Variants in ETFDH observed in about 807,000 individuals in gnomAD.
ETFDH encodes the protein electron transfer flavoprotein-ubiquinone oxidoreductase, mitochondrial.
ETFDH carries 61 observed loss-of-function variants against 73.2 expected under a neutral mutation model. That is an observed-to-expected ratio of 0.83 (90% confidence interval 0.68 to 1.03). The LOEUF (loss-of-function observed/expected upper bound fraction) is 1.03. Ranked by LOEUF, ETFDH falls within the 50% of genes least tolerant of loss-of-function variation. The pLI is 0.00. For missense variants in ETFDH, 685 were observed against 745.0 expected (o/e 0.92, Z 0.94); for synonymous variants, 243 against 253.3 (o/e 0.96, Z 0.39).
In ETFDH at chr4:158,708,730, G is replaced by C. The variant is rs1189158613; in HGVS notation, c.*203G>C. ...TTTAAATAACCTTTATAAGAATGCAGCATCTTCCTACCTCTTCAGTTCTTC... is the reference window on the plus strand; with the variant it reads ...TTTAAATAACCTTTATAAGAATGCACCATCTTCCTACCTCTTCAGTTCTTC... On this transcript the variant is annotated 3_prime_UTR_variant, in exon 13 of 13. Transcript: ENST00000511912. The C allele has an allele frequency of 1.1e-5, 6 of 535,474 alleles. No individual in the cohort carries two copies. Among genetic ancestry groups the C allele is most frequent in the South Asian group, 1.1e-4 (5 of 46,196 alleles). 33.2% of individuals were successfully genotyped at this position (535,474 alleles called of 1,614,324 possible).
At chr4:158,678,061 T>C (rs1252123589) in intron 1 of ETFDH, among the ~76,000 whole-genome samples, 1 of 152,258 alleles carries the variant, frequency 6.6e-6, no homozygotes, top group East Asian at 1.9e-4. Flanking sequence ...GTTGCAAAAA[T>C]AGTACTGAGA....
chr4:158,679,826 A>G (rs1242429351), intron 1 of ETFDH: 1 of 152,016 alleles, frequency 6.6e-6, no homozygotes, highest in Non-Finnish European at 1.5e-5. Context: ...GATCCCAGCA[A>G]TTTTAGAGGC....
intron 7 of ETFDH, among the ~76,000 whole-genome samples, chr4:158,696,136 C>A (rs955199746): frequency 4.6e-5 from 7 of 152,138 alleles, no homozygotes; most frequent in African/African-American, 1.4e-4. Flanking sequence ...TTTATCCATT[C>A]TCTAGTCTTA....
At chr4:158,704,238 C>T (rs542520908) in intron 10 of ETFDH, among the ~76,000 whole-genome samples, 7 of 152,336 alleles carry the variant, frequency 4.6e-5, no homozygotes, top group African/African-American at 1.7e-4. Flanking sequence ...ATCAATAGAA[C>T]AAACACCTTT....
chr4:158,688,316 C>T (rs765252789), intron 5 of ETFDH, among the ~76,000 whole-genome samples: 9 of 149,926 alleles, frequency 6.0e-5, no homozygotes, highest in East Asian at 2.0e-4. Context: ...CACTTGAACC[C>T]GGGAGGCAGA....
chr4:158,672,833 T>C (rs950552829), intron 1 of ETFDH, among the ~76,000 whole-genome samples: 1 of 150,814 alleles, frequency 6.6e-6, no homozygotes, highest in African/African-American at 2.5e-5. Context: ...CTGTTGGAAA[T>C]GGAAAAAAAA....
chr4:158,683,738 C>T (rs1216888621), intron 3 of ETFDH, among the ~76,000 whole-genome samples: 1 of 152,090 alleles, frequency 6.6e-6, no homozygotes, highest in Admixed American at 6.6e-5. Context: ...CACCACCACA[C>T]CCAGCTAATT....
chr4:158,708,575 T>C lies in ETFDH; in HGVS notation c.*48T>C. ...CAAGTATGGCAAGCTAACGTTAAAA[T>C]GTTTAGAGATTAACAGATTTCAGAA... is the stretch of plus-strand genomic sequence containing the variant. On this transcript the variant is annotated 3_prime_UTR_variant, in exon 13 of 13. Coordinates refer to ENST00000511912, the MANE Select transcript of ETFDH (RefSeq NM_004453.4). 2 of 1,452,346 alleles carry C rather than the reference T, an allele frequency of 1.4e-6. No individual in the cohort carries two copies. Among genetic ancestry groups the C allele is most frequent in the East Asian group, 2.3e-5 (1 of 44,048 alleles). The allele number at this position is 1,452,346 out of a possible 1,614,324, so 90.0% of individuals were successfully genotyped here. A position where few individuals can be genotyped will look rare whatever the true frequency, so the allele number is the denominator to read the frequency against.
intron 2 of ETFDH, 136 bp downstream of exon 2, chr4:158,680,743 C>T: frequency 1.4e-6 from 1 of 730,134 alleles, no homozygotes. Context: ...TCACATGCTG[C>T]ATAATGACCC....
At chr4:158,693,448 G>A (rs1774231413) in intron 6 of ETFDH, among the ~76,000 whole-genome samples, 1 of 152,138 alleles carries the variant, frequency 6.6e-6, no homozygotes, top group South Asian at 2.1e-4. Context: ...AGGCTGTGTG[G>A]CTCCACGGCC....
rs2126316486 is a variant in ETFDH, at chr4:158,706,746, A to G, written c.1586A>G (p.His529Arg). 6.2e-7 allele frequency: 1 copy of G among 1,613,948 alleles called. No homozygotes were observed. The highest frequency in any genetic ancestry group is 8.5e-7 in the Non-Finnish European group (1 of 1,179,826). The change falls in exon 12 of 13, where the codon CAT becomes CGT. Residue 529 changes from histidine to arginine, a missense_variant. By Grantham distance (29) the His-to-Arg change is conservative. Coordinates refer to ENST00000511912, the MANE Select transcript of ETFDH (RefSeq NM_004453.4). The stretch of plus-strand genomic sequence containing the variant: ...TCTGTGGCTCTGAGTGGTACTAATC[A>G]TGAACATGACCAGCCGGCACACTTA... ...LSSVALSGTNHEHDQPAHLTL... is the reference protein window; with the variant it reads ...LSSVALSGTNREHDQPAHLTL...
rs184717756 is a variant in ETFDH at position 158,683,914 on chromosome 4, T to C, written c.406-678T>C. Reference sequence around the variant, plus strand: ...ACAGTGTAACAACATGTTAATTCTCTTTATCCAAGAGGAAAATAAAACTTC... The same window carrying C: ...ACAGTGTAACAACATGTTAATTCTCCTTATCCAAGAGGAAAATAAAACTTC... On this transcript the variant is annotated intron_variant, in intron 3 of 12. Transcript: ENST00000511912. Among the ~76,000 whole-genome samples the C allele has an allele frequency of 4.6e-5, 7 of 152,266 alleles. No homozygotes were observed. The East Asian group carries it at 9.6e-4, about 21-fold the overall frequency.
Position 158,709,380 on chromosome 4 carries a change from A to C in ETFDH, c.*853A>C. On this transcript the variant is annotated 3_prime_UTR_variant, in exon 13 of 13. Coordinates refer to ENST00000511912, the MANE Select transcript of ETFDH (RefSeq NM_004453.4). Reference sequence around the variant, plus strand: ...AACCCCATCTCTACTAAAAATACAAAAATTAGCTGGGCGTGGTGGCACGTG... The same window carrying C: ...AACCCCATCTCTACTAAAAATACAACAATTAGCTGGGCGTGGTGGCACGTG... 5.9e-6 allele frequency: 1 copy of C among 168,588 alleles called. No individual in the cohort carries two copies. The highest frequency in any genetic ancestry group is 1.5e-4 in the South Asian group (1 of 6,548). 10.4% of individuals were successfully genotyped at this position (168,588 alleles called of 1,614,324 possible). A position where few individuals can be genotyped will look rare whatever the true frequency, so the allele number is the denominator to read the frequency against.
At position 158,708,498 on chromosome 4, in the gene ETFDH, G is replaced by A. The variant is rs1445399206; in HGVS notation, c.1825G>A (p.Gly609Arg). The A allele has an allele frequency of 6.2e-7, 1 of 1,613,414 alleles. No homozygotes were observed. Among genetic ancestry groups the A allele is most frequent in the African/African-American group, 1.3e-5 (1 of 74,902 alleles). ...TATTAACTGGGTGGTACCTGAAGGT[G>A]GAGGAGGACCTGCTTACAATGGAAT... Reference protein sequence around the residue: ...QNINWVVPEGGGGPAYNGM With the variant: ...QNINWVVPEGRGGPAYNGM The change falls in exon 13 of 13, where the codon GGA becomes AGA. Residue 609 changes from glycine (G) to arginine (R), a missense_variant. Gly to Arg is a moderately radical substitution (Grantham distance 125). This residue lies in a region of ETFDH where 201 missense variants were observed against 225.2 expected (regional missense o/e 0.89). Coordinates refer to ENST00000511912, the MANE Select transcript of ETFDH (RefSeq NM_004453.4).
Position 158,699,136 on chromosome 4 carries a change from T to C in ETFDH, c.1116+6T>C, listed in dbSNP as rs1561247878. ...TCAATGAAGGTGGCTTTCAGGTAAC[T>C]CTTCCAACTTTTATTTTCCTTGTTT... On this transcript the variant is annotated splice_donor_region_variant and intron_variant, in intron 9 of 12. Transcript: ENST00000511912. 7 of 1,609,286 alleles carry C rather than the reference T, an allele frequency of 4.3e-6. No individual in the cohort carries two copies. The highest frequency in any genetic ancestry group is 1.1e-5 in the South Asian group (1 of 90,992).
rs1580426256 is a variant in ETFDH at position 158,708,733 on chromosome 4, T to C, written c.*206T>C. 5 of 517,164 alleles carry C rather than the reference T, an allele frequency of 9.7e-6. No individual in the cohort carries two copies. The East Asian group carries it at 1.7e-4, about 18-fold the overall frequency. The allele number at this position is 517,164 out of a possible 1,614,324, so 32.0% of individuals were successfully genotyped here. A position where few individuals can be genotyped will look rare whatever the true frequency, so the allele number is the denominator to read the frequency against. On this transcript the variant is annotated 3_prime_UTR_variant, in exon 13 of 13. Transcript: ENST00000511912. ...AAATAACCTTTATAAGAATGCAGCATCTTCCTACCTCTTCAGTTCTTCAGA... is the reference window on the plus strand; with the variant it reads ...AAATAACCTTTATAAGAATGCAGCACCTTCCTACCTCTTCAGTTCTTCAGA...
intron 12 of ETFDH, among the ~76,000 whole-genome samples, chr4:158,707,308 A>G (rs951850690): frequency 7.9e-5 from 12 of 152,246 alleles, no homozygotes; most frequent in Admixed American, 6.5e-4. Context: ...GTCTCAAATG[A>G]TATGGTAGAA....
intron 5 of ETFDH, among the ~76,000 whole-genome samples, chr4:158,689,872 C>T (rs1300299923): frequency 6.6e-6 from 1 of 151,720 alleles, no homozygotes; most frequent in Non-Finnish European, 1.5e-5. Flanking sequence ...CAAAAATAAA[C>T]TTTTATCATC....
Position 158,706,834 on chromosome 4 carries a change from G to A in ETFDH, c.1674G>A (p.Gln558=), listed in dbSNP as rs2126316924. The A allele has an allele frequency of 6.2e-7, 1 of 1,603,512 alleles. No individual in the cohort carries two copies. ...TGTCGATATATGATGGGCCCGAGCA[G>A]CGATTCTGTCCTGCAGGTAATAATT... ...RNLSIYDGPE[Q]RFCPAGVYEF... The change falls in exon 12 of 13, where the codon CAG becomes CAA. Residue 558 remains glutamine (Q), a synonymous_variant. Transcript: ENST00000511912.
Sources: allele counts gnomAD v4.1 joint callset (sites outside exome capture counted in the v4.1 genomes callset), GRCh38; gene constraint gnomAD v4.1.1; regional missense constraint gnomAD v4.1.1; transcripts MANE v1.5; gene names NCBI Gene and HGNC (gene_info 2026-07-23, HGNC 2026-07-21).